Variants in HIVEP3 observed in about 807,000 individuals in gnomAD.
HIVEP3 encodes HIVEP zinc finger 3.
HIVEP3 carries 49 observed loss-of-function variants against 152.8 expected under a neutral mutation model. That is an observed-to-expected ratio of 0.32 (90% confidence interval 0.26 to 0.41). The LOEUF is 0.41. Ranked by LOEUF, HIVEP3 falls within the 10% of genes least tolerant of loss-of-function variation. The pLI is 1.00. For missense variants in HIVEP3, 2,790 were observed against 3,103.3 expected (o/e 0.90, Z 2.40); for synonymous variants, 1,269 against 1,289.0 (o/e 0.98, Z 0.33).
upstream of HIVEP3, among the ~76,000 whole-genome samples, chr1:41,921,157 C>T (rs1644939876): frequency 6.6e-6 from 1 of 152,070 alleles, no homozygotes. Context: ...GGGAAAGATG[C>T]CATCAATAAA....
chr1:41,618,086 G>C (rs1386362376), intron 3 of HIVEP3, among the ~76,000 whole-genome samples: 1 of 152,194 alleles, frequency 6.6e-6, no homozygotes, highest in Non-Finnish European at 1.5e-5. Context: ...AAGCAGCCAA[G>C]AGAGGAAACT....
At chr1:41,850,627 C>T (rs887474715) in intron 1 of HIVEP3, among the ~76,000 whole-genome samples, 5 of 152,188 alleles carry the variant, frequency 3.3e-5, no homozygotes, top group Non-Finnish European at 7.3e-5. Flanking sequence ...CCCTTCTGGT[C>T]CTCCATGCCG....
At chr1:41,652,965 C>T (rs183822420) in intron 2 of HIVEP3, among the ~76,000 whole-genome samples, 19 of 152,158 alleles carry the variant, frequency 1.2e-4, no homozygotes, top group Admixed American at 1.2e-3. Context: ...CCATGAGCAC[C>T]GCACGTAGGG....
intron 1 of HIVEP3, among the ~76,000 whole-genome samples, chr1:41,833,969 C>T (rs41434744): frequency 0.037 from 5,616 of 152,192 alleles, 148 homozygotes; most frequent in Middle Eastern, 0.068. Flanking sequence ...CTGGTGTGAC[C>T]CTAGCAAGGA....
chr1:42,019,095 C>T (rs1162395005), intron 1 of HIVEP3, among the ~76,000 whole-genome samples: 1 of 151,936 alleles, frequency 6.6e-6, no homozygotes, highest in Non-Finnish European at 1.5e-5. Context: ...CCCAATAGGG[C>T]CATTTGTCTA....
intron 1 of HIVEP3, among the ~76,000 whole-genome samples, chr1:41,889,741 G>T (rs1644417712): frequency 6.6e-6 from 1 of 152,154 alleles, no homozygotes; most frequent in Non-Finnish European, 1.5e-5. Context: ...AGCAGTTGTG[G>T]ATGGAGCTCC....
chr1:41,739,712 C>T (rs1049056827), intron 1 of HIVEP3, among the ~76,000 whole-genome samples: 6 of 152,234 alleles, frequency 3.9e-5, no homozygotes, highest in African/African-American at 1.4e-4. Flanking sequence ...ATCTTGTCTG[C>T]TTCCAGATAA....
At chr1:41,734,462 C>G (rs1646887015) in intron 1 of HIVEP3, among the ~76,000 whole-genome samples, 1 of 152,226 alleles carries the variant, frequency 6.6e-6, no homozygotes, top group South Asian at 2.1e-4. Context: ...GCCCAGGGTC[C>G]AGGCTGGTGT....
intron 1 of HIVEP3, among the ~76,000 whole-genome samples, chr1:41,836,025 C>T (rs558496464): frequency 1.5e-3 from 222 of 152,314 alleles, no homozygotes; most frequent in African/African-American, 4.9e-3. Context: ...GTGAACAGGA[C>T]AGTCCATGAA....
At chr1:41,710,025 C>T (rs1385057894) in intron 1 of HIVEP3, among the ~76,000 whole-genome samples, 1 of 152,174 alleles carries the variant, frequency 6.6e-6, no homozygotes, top group Non-Finnish European at 1.5e-5. Flanking sequence ...AAGTTTCTAG[C>T]TGTGCCAATC....
chr1:41,567,640 C>T (rs1038993034), intron 5 of HIVEP3, among the ~76,000 whole-genome samples: 16 of 152,354 alleles, frequency 1.1e-4, no homozygotes, highest in Admixed American at 2.6e-4. Flanking sequence ...GAGCTGAGAA[C>T]GTAGGACCCA....
In HIVEP3 at chr1:41,994,559, A is replaced by T. The variant is rs1169039015; in HGVS notation, n.119+41248T>A. ...AAAATTGTGTGGCATTTCCCCCATC[A>T]CTCTCTCTATCTCTCTTGCTGCCAT... On this transcript the variant is annotated intron_variant and non_coding_transcript_variant, in intron 1 of 3. Coordinates refer to the HIVEP3 transcript ENST00000489103. Among the ~76,000 whole-genome samples the T allele has an allele frequency of 5.9e-5, 9 of 151,480 alleles. No homozygotes were observed. In the East Asian group the frequency reaches 1.7e-3, roughly 29 times the overall value.
intron 5 of HIVEP3, among the ~76,000 whole-genome samples, chr1:41,526,197 C>T (rs958852991): frequency 2.5e-4 from 38 of 151,766 alleles, no homozygotes; most frequent in Admixed American, 9.8e-4. Flanking sequence ...GGAGAGAGCC[C>T]GCTGGCAGCA....
intron 1 of HIVEP3, among the ~76,000 whole-genome samples, chr1:41,809,194 T>C (rs1051878605): frequency 6.6e-5 from 10 of 152,216 alleles, no homozygotes; most frequent in Non-Finnish European, 2.9e-5. Context: ...TCCTGGCCTA[T>C]CCATGAAGGC....
chr1:41,737,187 T>C (rs1271597772), intron 1 of HIVEP3, among the ~76,000 whole-genome samples: 1 of 152,198 alleles, frequency 6.6e-6, no homozygotes, highest in African/African-American at 2.4e-5. Flanking sequence ...ACAAGCTACG[T>C]GGGCTCAGAA....
At chr1:41,939,493 C>T (rs534044598) in intron 1 of HIVEP3, among the ~76,000 whole-genome samples, 1 of 152,238 alleles carries the variant, frequency 6.6e-6, no homozygotes, top group African/African-American at 2.4e-5. Flanking sequence ...TTTATTTTTC[C>T]TTCTCCCACT....
At chr1:41,575,393 GA>G (rs1418090194) in intron 5 of HIVEP3, 150 bp downstream of exon 5, 2 of 739,810 alleles carry the variant, frequency 2.7e-6, no homozygotes, top group African/African-American at 3.5e-5. Flanking sequence ...AGAGTCCCAG[GA>G]AGGTGATGTC....
At chr1:41,912,195 T>A (rs181778648) in intron 1 of HIVEP3, among the ~76,000 whole-genome samples, 1 of 152,136 alleles carries the variant, frequency 6.6e-6, no homozygotes, top group East Asian at 1.9e-4. Flanking sequence ...AGAGAAGGAA[T>A]GGGATAGGGT....
intron 1 of HIVEP3, among the ~76,000 whole-genome samples, chr1:41,741,094 G>A (rs1183969735): frequency 6.6e-6 from 1 of 152,210 alleles, no homozygotes; most frequent in Non-Finnish European, 1.5e-5. Flanking sequence ...TAACATCCAA[G>A]TGAGGCAAAA....
Sources: allele counts gnomAD v4.1 joint callset (sites outside exome capture counted in the v4.1 genomes callset), GRCh38; gene constraint gnomAD v4.1.1; transcripts MANE v1.5; gene names NCBI Gene and HGNC (gene_info 2026-07-23, HGNC 2026-07-21).